SIDT1: variants seen among roughly 807,000 people sequenced by gnomAD.
SIDT1 encodes the protein SID1 transmembrane family, member 1.
In SIDT1, 101 loss-of-function variants were observed where a neutral mutation model predicts 107.5. That is an observed-to-expected ratio of 0.94 (90% CI 0.80 to 1.11). The LOEUF (loss-of-function observed/expected upper bound fraction) is 1.11, where lower values mean the gene tolerates loss of function less well. Among genes scored for constraint, SIDT1 ranks in the 50% least tolerant of loss-of-function variants. SIDT1 has a pLI of 0.00. For synonymous variants in SIDT1, 395 were observed against 398.2 expected, an observed-to-expected ratio of 0.99 and a Z score of 0.10; for missense variants, 1,076 against 1,058.2, an observed-to-expected ratio of 1.02 and a Z score of -0.23.
intron 1 of SIDT1, among the ~76,000 whole-genome samples, chr3:113,544,276 C>T (rs1939307250): frequency 6.6e-6 from 1 of 151,982 alleles, no homozygotes; most frequent in Non-Finnish European, 1.5e-5. Flanking sequence ...CTGCAATCTG[C>T]ATCTCCCAGG....
At chr3:113,535,412 T>A (rs560556877) in intron 1 of SIDT1, among the ~76,000 whole-genome samples, 11 of 152,350 alleles carry the variant, frequency 7.2e-5, no homozygotes, top group African/African-American at 2.6e-4. Context: ...AATTCAATAG[T>A]TTGGAAAATG....
intron 1 of SIDT1, among the ~76,000 whole-genome samples, chr3:113,544,457 T>G: frequency 6.6e-6 from 1 of 152,224 alleles, no homozygotes. Context: ...CCCAAAGTGC[T>G]GGGATTACAG....
chr3:113,571,468 G>A (rs1288095234), intron 3 of SIDT1, among the ~76,000 whole-genome samples: 2 of 126,016 alleles, frequency 1.6e-5, no homozygotes, highest in East Asian at 3.0e-4. Flanking sequence ...ATTGCTTGGT[G>A]CCATCTACCT....
chr3:113,623,314 T>TA (rs199727147), intron 21 of SIDT1, 113 bp from the exon 22 acceptor site: 11,678 of 455,036 alleles, frequency 0.026, 7 homozygotes, highest in Middle Eastern at 0.048. Flanking sequence ...AAATAAAAGT[T>TA]AAAAAAAAAA....
chr3:113,599,071 G>A (rs1209545214), intron 10 of SIDT1, among the ~76,000 whole-genome samples: 1 of 152,250 alleles, frequency 6.6e-6, no homozygotes, highest in Non-Finnish European at 1.5e-5. Context: ...TGAGGCTACA[G>A]TGCGCCATGA....
rs1393978280 is a variant in SIDT1, at chr3:113,603,063, C to T, written c.1176C>T (p.Gly392=). Residue 392 remains glycine, a synonymous_variant, in exon 12 of 25, where the codon GGC becomes GGT. Transcript: ENST00000264852. ...QMSSSDGGPP[G]QSDTDSSVEE... is the part of the protein sequence containing the mutation. Reference sequence around the variant, plus strand: ...CCTCCTCCGATGGTGGGCCACCGGGCCAGTCAGACACAGACAGCTCCGTGG... The same window carrying T: ...CCTCCTCCGATGGTGGGCCACCGGGTCAGTCAGACACAGACAGCTCCGTGG... The T allele has an allele frequency of 6.2e-7, 1 of 1,613,940 alleles. No individual in the cohort carries two copies. Among genetic ancestry groups the T allele is most frequent in the Non-Finnish European group, 8.5e-7 (1 of 1,179,962 alleles).
chr3:113,607,026 C>G lies in SIDT1; in HGVS notation c.1405-15C>G. ...AGGAAAACCACATTTCCTCTTCTCACTCTTGATTTTACAGGTGGTAAATGT... is the reference window on the plus strand; with the variant it reads ...AGGAAAACCACATTTCCTCTTCTCAGTCTTGATTTTACAGGTGGTAAATGT... On this transcript the variant is annotated splice_polypyrimidine_tract_variant and intron_variant, in intron 14 of 24. Coordinates refer to ENST00000264852, the MANE Select transcript of SIDT1 (RefSeq NM_017699.3). 1 of 1,570,572 alleles carries G rather than the reference C, an allele frequency of 6.4e-7. No homozygotes were observed. Among genetic ancestry groups the G allele is most frequent in the Non-Finnish European group, 8.8e-7 (1 of 1,140,246 alleles).
intron 1 of SIDT1, among the ~76,000 whole-genome samples, chr3:113,553,048 G>A (rs1449678953): frequency 6.6e-6 from 1 of 152,058 alleles, no homozygotes; most frequent in African/African-American, 2.4e-5. Flanking sequence ...GAAAAGCTGG[G>A]GTGTTGCTGC....
At chr3:113,589,410 C>G (rs1463911123) in intron 9 of SIDT1, among the ~76,000 whole-genome samples, 1 of 152,038 alleles carries the variant, frequency 6.6e-6, no homozygotes, top group Non-Finnish European at 1.5e-5. Context: ...AACATATCAT[C>G]TTCTATGAGT....
intron 6 of SIDT1, among the ~76,000 whole-genome samples, chr3:113,582,037 G>A (rs1943390751): frequency 6.6e-6 from 1 of 152,128 alleles, no homozygotes; most frequent in South Asian, 2.1e-4. Flanking sequence ...CCAATTTAGG[G>A]TGAAGTTTGT....
At chr3:113,539,082 C>A (rs779746014) in intron 1 of SIDT1, among the ~76,000 whole-genome samples, 43 of 152,154 alleles carry the variant, frequency 2.8e-4, no homozygotes, top group Non-Finnish European at 4.3e-4. Flanking sequence ...ATTTGGTTAC[C>A]TTAAGCTATC....
At chr3:113,571,535 TAC>T (rs967485571) in intron 3 of SIDT1, among the ~76,000 whole-genome samples, 4 of 133,096 alleles carry the variant, frequency 3.0e-5, no homozygotes, top group Admixed American at 7.6e-5. Flanking sequence ...ACTCTTTTTC[TAC>T]ACTCCAGTGC....
intron 23 of SIDT1, among the ~76,000 whole-genome samples, chr3:113,625,644 A>G (rs945805842): frequency 1.3e-5 from 2 of 152,190 alleles, no homozygotes; most frequent in African/African-American, 4.8e-5. Flanking sequence ...TTCTCTGATG[A>G]TCAATGATGT....
chr3:113,569,643 T>G (rs1942263378), intron 3 of SIDT1, among the ~76,000 whole-genome samples: 1 of 152,148 alleles, frequency 6.6e-6, no homozygotes, highest in African/African-American at 2.4e-5. Flanking sequence ...TCACAGCATT[T>G]TTTCTCAAGT....
intron 24 of SIDT1, among the ~76,000 whole-genome samples, chr3:113,626,876 G>C (rs958048419): frequency 6.6e-6 from 1 of 152,088 alleles, no homozygotes; most frequent in Non-Finnish European, 1.5e-5. Context: ...CTAGACTCCC[G>C]GGCTCCAGAC....
Position 113,568,552 on chromosome 3 carries a change from C to G in SIDT1, c.515+842C>G, listed in dbSNP as rs538410449. Among the ~76,000 whole-genome samples the G allele has an allele frequency of 4.6e-5, 7 of 150,788 alleles. No homozygotes were observed. The East Asian group carries it at 1.4e-3, about 30-fold the overall frequency. ...GAGCTTGCAGTGAGCCGAGATCGCGCCACTGCACCCCAGCCTGGGCAACAC... is the reference window on the plus strand; with the variant it reads ...GAGCTTGCAGTGAGCCGAGATCGCGGCACTGCACCCCAGCCTGGGCAACAC... On this transcript the variant is annotated intron_variant, in intron 3 of 24. Transcript: ENST00000264852.
intron 14 of SIDT1, chr3:113,606,416 G>A (rs1056753903): frequency 1.3e-4 from 20 of 152,228 alleles, no homozygotes; most frequent in African/African-American, 4.6e-4. Flanking sequence ...AAGTTTGTGT[G>A]TTAATGATCT....
At chr3:113,625,135 C>CT (rs1236287623) in intron 23 of SIDT1, among the ~76,000 whole-genome samples, 6 of 106,838 alleles carry the variant, frequency 5.6e-5, no homozygotes, top group East Asian at 5.1e-4. Context: ...TTCTTTCTTT[C>CT]TTTTTTTTGG....
At chr3:113,536,658 C>T (rs1938209571) in intron 1 of SIDT1, among the ~76,000 whole-genome samples, 1 of 152,198 alleles carries the variant, frequency 6.6e-6, no homozygotes, top group Non-Finnish European at 1.5e-5. Flanking sequence ...TTTTGCCAAG[C>T]TTGTGTCATA....
Sources: gnomAD v4.1 joint callset for allele counts (sites outside exome capture counted in the v4.1 genomes callset) on GRCh38, gnomAD v4.1.1 for gene constraint, MANE v1.5 for transcripts, NCBI Gene and HGNC (gene_info 2026-07-23, HGNC 2026-07-21) for gene names.